KITLG: variants seen among roughly 807,000 people sequenced by gnomAD.
KITLG encodes c-Kit ligand.
A neutral mutation model predicts 34.1 loss-of-function variants in KITLG; 13 were observed. That is an observed-to-expected ratio of 0.38 (90% confidence interval 0.25 to 0.61). The LOEUF (loss-of-function observed/expected upper bound fraction) is 0.61, where lower values mean the gene tolerates loss of function less well. Ranked by LOEUF, KITLG falls within the 20% of genes least tolerant of loss-of-function variation. The pLI, the probability that KITLG is intolerant of heterozygous loss-of-function variation, is 0.60. For synonymous variants in KITLG, 110 were observed against 104.0 expected, an observed-to-expected ratio of 1.06 and a Z score of -0.35; for missense variants, 292 against 318.9, an observed-to-expected ratio of 0.92 and a Z score of 0.64.
At chr12:88,543,227 C>T (rs1870584462) in intron 2 of KITLG, among the ~76,000 whole-genome samples, 1 of 152,092 alleles carries the variant, frequency 6.6e-6, no homozygotes, top group African/African-American at 2.4e-5. Context: ...TCGTCATTTA[C>T]ATTAGGTATT....
chr12:88,569,128 T>A (rs1016408389), intron 1 of KITLG, among the ~76,000 whole-genome samples: 1 of 152,182 alleles, frequency 6.6e-6, no homozygotes, highest in Non-Finnish European at 1.5e-5. Flanking sequence ...GAATGACTCA[T>A]GTTCTGTCCC....
At chr12:88,574,638 C>T (rs1871770643) in intron 1 of KITLG, among the ~76,000 whole-genome samples, 1 of 152,110 alleles carries the variant, frequency 6.6e-6, no homozygotes, top group Admixed American at 6.5e-5. Flanking sequence ...CTGATTCTCC[C>T]CTCAGTGCTC....
Position 88,580,378 on chromosome 12 carries a change from A to G in KITLG, c.-100T>C. 1 of 1,383,422 alleles carries G rather than the reference A, an allele frequency of 7.2e-7. No individual in the cohort carries two copies. Among genetic ancestry groups the G allele is most frequent in the East Asian group, 2.4e-5 (1 of 41,182 alleles). The allele number at this position is 1,383,422 out of a possible 1,614,324, so 85.7% of individuals were successfully genotyped here. A position where few individuals can be genotyped will look rare whatever the true frequency, so the allele number is the denominator to read the frequency against. ...TATTGCACGAACAGCGGCGGCAGAT[A>G]GTCCACGCATTGGGTAGCCCGAGCG... On this transcript the variant is annotated 5_prime_UTR_variant, in exon 1 of 10. Coordinates refer to ENST00000644744, the MANE Select transcript of KITLG (RefSeq NM_000899.5).
At chr12:88,527,292 ATCAC>A (rs1377854134) in intron 3 of KITLG, among the ~76,000 whole-genome samples, 1 of 152,218 alleles carries the variant, frequency 6.6e-6, no homozygotes, top group African/African-American at 2.4e-5. Context: ...TTCTTTTTAA[ATCAC>A]TCTGTCTATT....
At chr12:88,506,176 G>A in intron 8 of KITLG, 135 bp downstream of exon 8, 1 of 701,024 alleles carries the variant, frequency 1.4e-6, no homozygotes, top group Non-Finnish European at 2.6e-6. Flanking sequence ...CAGAAACATG[G>A]ATAGAGTTGG....
rs1868476911 is a variant in KITLG at position 88,493,255 on chromosome 12, T to G, written c.*3964A>C. 1 of 152,374 alleles carries G rather than the reference T, an allele frequency of 6.6e-6. No individual in the cohort carries two copies. Among genetic ancestry groups the G allele is most frequent in the Non-Finnish European group, 1.5e-5 (1 of 67,880 alleles). The allele number at this position is 152,374 out of a possible 1,614,324, so 9.4% of individuals were successfully genotyped here. On this transcript the variant is annotated 3_prime_UTR_variant, in exon 10 of 10. Coordinates refer to ENST00000644744, the MANE Select transcript of KITLG (RefSeq NM_000899.5). ...TTTTAGTTTAACAGTTGTTTTAATTTTATTGTTAAAAACATCATAAGGATG... is the reference window on the plus strand; with the variant it reads ...TTTTAGTTTAACAGTTGTTTTAATTGTATTGTTAAAAACATCATAAGGATG...
chr12:88,540,827 TTAAA>T (rs1403844675), intron 2 of KITLG, among the ~76,000 whole-genome samples: 1 of 152,122 alleles, frequency 6.6e-6, no homozygotes, highest in Non-Finnish European at 1.5e-5. Flanking sequence ...AAATTTAGCT[TTAAA>T]TAGAGAAAGA....
intron 2 of KITLG, chr12:88,534,840 G>A (rs1870249522): frequency 2.8e-6 from 1 of 354,096 alleles, no homozygotes. Flanking sequence ...TCTTTGAAAG[G>A]AAAAAGCGTC....
chr12:88,502,529 CA>C (rs1868900446), intron 9 of KITLG, among the ~76,000 whole-genome samples: 1 of 152,180 alleles, frequency 6.6e-6, no homozygotes, highest in Admixed American at 6.6e-5. Flanking sequence ...GCACGGGCAG[CA>C]AGTTAGGTGT....
chr12:88,557,788 C>T (rs749552548), intron 1 of KITLG, among the ~76,000 whole-genome samples: 2 of 152,096 alleles, frequency 1.3e-5, no homozygotes, highest in African/African-American at 2.4e-5. Flanking sequence ...TCTGCATCTT[C>T]AGCACTCCAT....
At chr12:88,571,461 A>C (rs1395060884) in intron 1 of KITLG, among the ~76,000 whole-genome samples, 5 of 152,234 alleles carry the variant, frequency 3.3e-5, no homozygotes, top group Non-Finnish European at 7.3e-5. Flanking sequence ...AGTTTCACTA[A>C]GTAAATGATG....
chr12:88,506,237 T>C, intron 8 of KITLG, 74 bp downstream of exon 8: 1 of 1,010,040 alleles, frequency 9.9e-7, no homozygotes, highest in East Asian at 2.4e-5. Context: ...CTTAAAGACA[T>C]TATGGGCAGG....
intron 1 of KITLG, among the ~76,000 whole-genome samples, chr12:88,555,819 A>G (rs1409919685): frequency 6.6e-6 from 1 of 152,222 alleles, no homozygotes; most frequent in African/African-American, 2.4e-5. Context: ...TTCATTTAAC[A>G]GACATGTATG....
intron 8 of KITLG, 99 bp from the exon 9 acceptor site, chr12:88,505,334 T>A: frequency 1.1e-6 from 1 of 921,754 alleles, no homozygotes; most frequent in Non-Finnish European, 1.8e-6. Context: ...TCTGTAAATA[T>A]AGTAGCAGAA....
chr12:88,545,925 C>A (rs769242333), intron 1 of KITLG, 60 bp from the exon 2 acceptor site: 16 of 954,610 alleles, frequency 1.7e-5, no homozygotes, highest in African/African-American at 1.6e-5. Flanking sequence ...ATCATTCAAA[C>A]TTTTAACATC....
At chr12:88,551,993 T>C (rs1566031749) in intron 1 of KITLG, among the ~76,000 whole-genome samples, 1 of 152,014 alleles carries the variant, frequency 6.6e-6, no homozygotes, top group Non-Finnish European at 1.5e-5. Flanking sequence ...ACTCAACATG[T>C]CCTTGCTGGC....
At position 88,495,148 on chromosome 12, in the gene KITLG, G is replaced by GT. The variant is rs1213865512; in HGVS notation, c.*2070dup. 2.0e-5 allele frequency: 3 copies of GT among 151,920 alleles called. No individual in the cohort carries two copies. Among genetic ancestry groups the GT allele is most frequent in the Non-Finnish European group, 4.4e-5 (3 of 67,936 alleles). The allele number at this position is 151,920 out of a possible 1,614,324, so 9.4% of individuals were successfully genotyped here. A position where few individuals can be genotyped will look rare whatever the true frequency, so the allele number is the denominator to read the frequency against. ...CCATTGATTAAGACCATGTCCATGA[G>GT]TGTTAAAACCCAGCTACTAGGTTTG... On this transcript the variant is annotated 3_prime_UTR_variant, in exon 10 of 10. Coordinates refer to ENST00000644744, the MANE Select transcript of KITLG (RefSeq NM_000899.5).
At chr12:88,531,624 A>G (rs1870095245) in intron 3 of KITLG, among the ~76,000 whole-genome samples, 2 of 152,146 alleles carry the variant, frequency 1.3e-5, no homozygotes, top group Admixed American at 6.6e-5. Context: ...CTAAGAATCT[A>G]TTGCACTGCT....
rs926533344 is a variant in KITLG at position 88,496,962 on chromosome 12, C to T, written c.*257G>A. On this transcript the variant is annotated 3_prime_UTR_variant, in exon 10 of 10. Transcript: ENST00000644744. ...CAAGTTCTAAATGAGACCCAAGTCC[C>T]GCAGTCCTTAAAATAGAGTCCTGCT... The T allele has an allele frequency of 1.6e-5, 3 of 182,124 alleles. No individual in the cohort carries two copies. The highest frequency in any genetic ancestry group is 7.2e-5 in the African/African-American group (3 of 41,890). 11.3% of individuals were successfully genotyped at this position (182,124 alleles called of 1,614,324 possible). A position where few individuals can be genotyped will look rare whatever the true frequency, so the allele number is the denominator to read the frequency against.
Sources: allele counts gnomAD v4.1 joint callset (sites outside exome capture counted in the v4.1 genomes callset), GRCh38; gene constraint gnomAD v4.1.1; transcripts MANE v1.5; gene names NCBI Gene and HGNC (gene_info 2026-07-23, HGNC 2026-07-21).